Variants in SMPX observed in about 807,000 individuals in gnomAD.
SMPX encodes small muscular protein.
Under a neutral mutation model 6.3 loss-of-function variants are expected in SMPX, and 2 were observed. That is an observed-to-expected ratio of 0.32 (90% CI 0.13 to 0.99). SMPX has a LOEUF of 0.99. Ranked by LOEUF, SMPX falls within the 50% of genes least tolerant of loss-of-function variation. The pLI, the probability that SMPX is intolerant of heterozygous loss-of-function variation, is 0.49. For missense variants in SMPX, 60 were observed against 66.8 expected, an observed-to-expected ratio of 0.90 and a Z score of 0.36; for synonymous variants, 32 against 24.7, an observed-to-expected ratio of 1.30 and a Z score of -0.88.
chrX:21,708,226 C>T (rs1445421029), intron 4 of SMPX, among the ~76,000 whole-genome samples: 2 of 112,299 alleles, frequency 1.8e-5, no homozygotes, highest in African/African-American at 6.5e-5. Flanking sequence ...GGCAGAAACT[C>T]TGGTTTGGCA....
intron 4 of SMPX, among the ~76,000 whole-genome samples, chrX:21,716,975 C>T (rs1411860179): frequency 1.8e-5 from 2 of 111,511 alleles, no homozygotes; most frequent in East Asian, 5.6e-4. Context: ...GCAGTTTTGT[C>T]ACATGGATAC....
chrX:21,753,861 T>C (rs1440146983), intron 2 of SMPX, among the ~76,000 whole-genome samples: 10 of 112,142 alleles, frequency 8.9e-5, no homozygotes, highest in Non-Finnish European at 1.9e-4. Context: ...TAAAGAAAGA[T>C]GTATTTCAAA....
At chrX:21,708,534 CAA>C (rs779508591) in intron 4 of SMPX, among the ~76,000 whole-genome samples, 3 of 112,056 alleles carry the variant, frequency 2.7e-5, no homozygotes, top group Non-Finnish European at 5.6e-5. Flanking sequence ...GTAGCTAGCT[CAA>C]AGTCTCATAG....
intron 3 of SMPX, among the ~76,000 whole-genome samples, chrX:21,740,031 A>C (rs992510922): frequency 1.8e-5 from 2 of 112,218 alleles, no homozygotes; most frequent in Non-Finnish European, 3.8e-5. Context: ...ATTTATCAAC[A>C]TAAGACTTTC....
chrX:21,713,582 C>T (rs1045287374), intron 4 of SMPX, among the ~76,000 whole-genome samples: 1 of 111,439 alleles, frequency 9.0e-6, no homozygotes, highest in African/African-American at 3.3e-5. Context: ...CAGGGGAACT[C>T]CCCTTTATCA....
chrX:21,752,307 GA>G, intron 2 of SMPX, among the ~76,000 whole-genome samples: 1 of 111,131 alleles, frequency 9.0e-6, no homozygotes, highest in East Asian at 2.8e-4. Flanking sequence ...AAGGAAGAGG[GA>G]AAAAAGACAA....
At chrX:21,721,558 C>G (rs1569304950) in intron 4 of SMPX, among the ~76,000 whole-genome samples, 1 of 112,408 alleles carries the variant, frequency 8.9e-6, no homozygotes, top group Non-Finnish European at 1.9e-5. Flanking sequence ...CAGTCCTTCT[C>G]AGACCAAGAC....
chrX:21,754,440 A>T, intron 1 of SMPX, 138 bp from the exon 2 acceptor site: 1 of 547,637 alleles, frequency 1.8e-6, no homozygotes, highest in Non-Finnish European at 3.3e-6. Context: ...CAGTTTCCAA[A>T]GTTACGAAGA....
At chrX:21,740,137 TG>T (rs1221614569) in intron 3 of SMPX, among the ~76,000 whole-genome samples, 2 of 112,034 alleles carry the variant, frequency 1.8e-5, no homozygotes, top group Admixed American at 9.5e-5. Context: ...AGGGGGTTAA[TG>T]GTGCATTTTC....
At chrX:21,755,211 A>G (rs900178316) in intron 1 of SMPX, among the ~76,000 whole-genome samples, 4 of 112,487 alleles carry the variant, frequency 3.6e-5, no homozygotes, top group Non-Finnish European at 7.5e-5. Flanking sequence ...AGCAGGACCA[A>G]TTGAAAAATT....
chrX:21,736,412 G>A (rs755828484), intron 4 of SMPX, among the ~76,000 whole-genome samples: 160 of 112,184 alleles, frequency 1.4e-3, no homozygotes, highest in Non-Finnish European at 2.5e-3. Context: ...GTAGGTGATA[G>A]CACTAACTTT....
In SMPX at chrX:21,743,315, G is replaced by C. The variant is rs184190439; in HGVS notation, c.132+435C>G. 4.3e-4 allele frequency among the ~76,000 whole-genome samples: 48 copies of C among 111,410 alleles called. No homozygotes were observed. The East Asian group carries it at 9.9e-3, about 23-fold the overall frequency. On this transcript the variant is annotated intron_variant, in intron 3 of 4. Coordinates refer to ENST00000379494, the MANE Select transcript of SMPX (RefSeq NM_014332.3). ...GCTGTACTAAGTATTATTACAACCT[G>C]CTGAGTTGGATAAAAGATCCCAAGT...
chrX:21,731,537 ATGTGTGTATGTGTATATATACACATT>A (rs2092804009), intron 4 of SMPX, among the ~76,000 whole-genome samples: 1 of 76,966 alleles, frequency 1.3e-5, no homozygotes, highest in African/African-American at 4.3e-5. Context: ...CATACACATT[ATGTGTGTATGTGTATATATACACATT>A]ATGTGTATAT....
At chrX:21,710,010 G>T (rs1009055867) in intron 4 of SMPX, among the ~76,000 whole-genome samples, 3 of 111,992 alleles carry the variant, frequency 2.7e-5, no homozygotes, top group African/African-American at 9.8e-5. Context: ...TATGGACTCT[G>T]ATAATCCTTT....
intron 2 of SMPX, among the ~76,000 whole-genome samples, chrX:21,752,057 G>A (rs904963565): frequency 8.9e-6 from 1 of 112,395 alleles, no homozygotes; most frequent in Non-Finnish European, 1.9e-5. Context: ...GATCGAAAGA[G>A]GCAATACCAC....
At chrX:21,737,421 C>G in intron 4 of SMPX, 128 bp downstream of exon 4, 1 of 620,568 alleles carries the variant, frequency 1.6e-6, no homozygotes. Flanking sequence ...ACCAGAAATA[C>G]TGACTTAAAT....
At chrX:21,733,585 G>C (rs2092807271) in intron 4 of SMPX, 1 of 271,201 alleles carries the variant, frequency 3.7e-6, no homozygotes, top group African/African-American at 2.9e-5. Flanking sequence ...AGCTTCATCA[G>C]TTCCAAGGCT....
chrX:21,726,443 A>G (rs2092797043), intron 4 of SMPX, among the ~76,000 whole-genome samples: 1 of 112,417 alleles, frequency 8.9e-6, no homozygotes, highest in Non-Finnish European at 1.9e-5. Flanking sequence ...ACTGGTATTG[A>G]CCTTGATTCC....
intron 4 of SMPX, among the ~76,000 whole-genome samples, chrX:21,716,048 T>C (rs2092784765): frequency 8.9e-6 from 1 of 111,964 alleles, no homozygotes; most frequent in South Asian, 3.8e-4. Context: ...TGATAAAACA[T>C]ATTAGTAATT....
Sources: gnomAD v4.1 joint callset for allele counts (sites outside exome capture counted in the v4.1 genomes callset) on GRCh38, gnomAD v4.1.1 for gene constraint, MANE v1.5 for transcripts, NCBI Gene and HGNC (gene_info 2026-07-23, HGNC 2026-07-21) for gene names.